RHOJ: variants seen among roughly 807,000 people sequenced by gnomAD.
RHOJ encodes the protein ras homolog family member J, also known as rho-related GTP-binding protein RhoJ.
A neutral mutation model predicts 23.4 loss-of-function variants in RHOJ; 11 were observed. The observed-to-expected ratio is 0.47, with a 90% CI of 0.30 to 0.78. The LOEUF is 0.78. Ranked by LOEUF, RHOJ falls within the 30% of genes least tolerant of loss-of-function variation. RHOJ has a pLI of 0.08. For missense variants in RHOJ, 254 were observed against 273.4 expected (o/e 0.93, Z 0.50); for synonymous variants, 102 against 102.7 (o/e 0.99, Z 0.04).
intron 3 of RHOJ, 48 bp from the exon 4 acceptor site, chr14:63,283,073 G>A (rs1332797022): frequency 7.0e-7 from 1 of 1,429,376 alleles, no homozygotes; most frequent in Non-Finnish European, 9.9e-7. Flanking sequence ...AAAATATCTG[G>A]CAAGGCCTGA....
chr14:63,290,571 T>A (rs1255782926), intron 4 of RHOJ, among the ~76,000 whole-genome samples: 1 of 152,160 alleles, frequency 6.6e-6, no homozygotes, highest in Non-Finnish European at 1.5e-5. Context: ...GATCTTTGCA[T>A]TTTTTATGTT....
intron 1 of RHOJ, among the ~76,000 whole-genome samples, chr14:63,267,143 A>T (rs56134239): frequency 0.075 from 11,412 of 152,306 alleles, 530 homozygotes; most frequent in East Asian, 0.2. Flanking sequence ...GAAAGAACAG[A>T]GGAAACAGAA....
At chr14:63,215,813 C>T (rs1003773230) in intron 1 of RHOJ, among the ~76,000 whole-genome samples, 2 of 152,072 alleles carry the variant, frequency 1.3e-5, no homozygotes, top group African/African-American at 2.4e-5. Context: ...TATATAATTC[C>T]TGAAGGCAGG....
At chr14:63,215,875 A>G (rs1292170220) in intron 1 of RHOJ, among the ~76,000 whole-genome samples, 1 of 152,116 alleles carries the variant, frequency 6.6e-6, no homozygotes, top group Non-Finnish European at 1.5e-5. Flanking sequence ...GAATGAGCCT[A>G]CAACATAATA....
chr14:63,279,256 G>A (rs1418615136), intron 2 of RHOJ, among the ~76,000 whole-genome samples: 1 of 152,168 alleles, frequency 6.6e-6, no homozygotes, highest in Non-Finnish European at 1.5e-5. Flanking sequence ...TATATCATAG[G>A]TGTGAACATA....
chr14:63,255,588 C>G (rs1451128846), intron 1 of RHOJ, among the ~76,000 whole-genome samples: 1 of 151,300 alleles, frequency 6.6e-6, no homozygotes, highest in Non-Finnish European at 1.5e-5. Flanking sequence ...CTTACCCTCC[C>G]CCACTCCATG....
intron 1 of RHOJ, among the ~76,000 whole-genome samples, chr14:63,253,214 A>C (rs1318267562): frequency 1.3e-5 from 2 of 152,180 alleles, no homozygotes; most frequent in African/African-American, 4.8e-5. Context: ...GCCAACTCCT[A>C]GTTCCTCCAT....
Position 63,226,275 on chromosome 14 carries a change from A to G in RHOJ, c.178+21228A>G, listed in dbSNP as rs139772798. ...AAAACATAATGAAACAATTACCTCT[A>G]TGAAGAAAGAACACAAGGCAAAAAT... On this transcript the variant is annotated intron_variant, in intron 1 of 4. Coordinates refer to ENST00000316754, the MANE Select transcript of RHOJ (RefSeq NM_020663.5). 3.9e-5 allele frequency among the ~76,000 whole-genome samples: 6 copies of G among 152,218 alleles called. No individual in the cohort carries two copies. In the East Asian group the frequency reaches 1.2e-3, roughly 29 times the overall value.
At chr14:63,283,351 CT>C in intron 4 of RHOJ, 135 bp downstream of exon 4, 1 of 738,810 alleles carries the variant, frequency 1.4e-6, no homozygotes, top group South Asian at 1.6e-5. Flanking sequence ...GCTTTCTATT[CT>C]CCCCCTCTGT....
At chr14:63,262,937 T>C (rs1895298647) in intron 1 of RHOJ, among the ~76,000 whole-genome samples, 2 of 152,232 alleles carry the variant, frequency 1.3e-5, no homozygotes, top group South Asian at 2.1e-4. Context: ...TGCCAGTTAA[T>C]GTGCACTGAG....
chr14:63,221,727 T>G (rs1307176722), intron 1 of RHOJ, among the ~76,000 whole-genome samples: 2 of 152,202 alleles, frequency 1.3e-5, no homozygotes, highest in African/African-American at 4.8e-5. Context: ...CTTCAGAGGC[T>G]CTGAGAAGAT....
intron 1 of RHOJ, among the ~76,000 whole-genome samples, chr14:63,244,412 CAA>C (rs10685300): frequency 3.0e-5 from 4 of 131,320 alleles, no homozygotes; most frequent in Admixed American, 7.8e-5. Flanking sequence ...ACTAAAAATA[CAA>C]AAAAAAAAAA....
intron 2 of RHOJ, among the ~76,000 whole-genome samples, chr14:63,280,075 G>A (rs879890446): frequency 6.6e-6 from 1 of 152,132 alleles, no homozygotes; most frequent in Non-Finnish European, 1.5e-5. Context: ...CCAGGCTGGA[G>A]TACAGTGGCA....
chr14:63,233,741 T>TTATACAGTATATATTATACAG (rs1310800530), intron 1 of RHOJ, among the ~76,000 whole-genome samples: 1 of 152,172 alleles, frequency 6.6e-6, no homozygotes, highest in East Asian at 1.9e-4. Context: ...CCCTGGACCA[T>TTATACAGTATATATTATACAG]TATACAGTAA....
chr14:63,262,965 G>A (rs978873988), intron 1 of RHOJ, among the ~76,000 whole-genome samples: 1 of 152,210 alleles, frequency 6.6e-6, no homozygotes, highest in African/African-American at 2.4e-5. Context: ...TGGAGAGCAA[G>A]ACAGGCTAGT....
chr14:63,270,060 T>A (rs758915741), intron 2 of RHOJ, among the ~76,000 whole-genome samples: 3 of 152,186 alleles, frequency 2.0e-5, no homozygotes, highest in Non-Finnish European at 2.9e-5. Flanking sequence ...GGTTGTTCAG[T>A]CTGTCCAAAT....
intron 2 of RHOJ, among the ~76,000 whole-genome samples, chr14:63,277,291 G>C (rs1029718358): frequency 6.6e-6 from 1 of 152,190 alleles, no homozygotes; most frequent in Non-Finnish European, 1.5e-5. Flanking sequence ...ACATACATAA[G>C]AGTTTGAAAC....
chr14:63,252,915 A>AGCAC (rs1895097163), intron 1 of RHOJ, among the ~76,000 whole-genome samples: 1 of 152,182 alleles, frequency 6.6e-6, no homozygotes, highest in Non-Finnish European at 1.5e-5. Context: ...ACCTGATAGA[A>AGCAC]GCACCTCTTA....
intron 1 of RHOJ, among the ~76,000 whole-genome samples, chr14:63,211,539 A>C (rs1257293431): frequency 6.6e-6 from 1 of 152,226 alleles, no homozygotes; most frequent in Non-Finnish European, 1.5e-5. Flanking sequence ...TGATATAGGC[A>C]TATAATGGGT....
Sources: allele counts gnomAD v4.1 joint callset (sites outside exome capture counted in the v4.1 genomes callset), GRCh38; gene constraint gnomAD v4.1.1; transcripts MANE v1.5; gene names NCBI Gene and HGNC (gene_info 2026-07-23, HGNC 2026-07-21).